The following GRM7 variants were observed in gnomAD, a reference collection of about 807,000 sequenced individuals.
GRM7 encodes the protein metabotropic glutamate receptor 7.
In GRM7, 35 loss-of-function variants were observed where a neutral mutation model predicts 84.5. The ratio of observed to expected loss-of-function variants is 0.41; its 90% CI spans 0.32 to 0.55. The LOEUF is 0.55. Among genes scored for constraint, GRM7 ranks in the 20% least tolerant of loss-of-function variants. GRM7 has a pLI of 0.19. For missense variants in GRM7, 1,003 were observed against 1,194.6 expected, an observed-to-expected ratio of 0.84 and a Z score of 2.36; for synonymous variants, 487 against 455.1, an observed-to-expected ratio of 1.07 and a Z score of -0.89.
chr3:7,535,421 G>A (rs892972463), intron 7 of GRM7: 3 of 152,214 alleles, frequency 2.0e-5, no homozygotes, highest in African/African-American at 7.2e-5. Context: ...TTATAAAGTA[G>A]TCCTAGGAGC....
chr3:7,480,139 A>G (rs1278976614), intron 7 of GRM7, among the ~76,000 whole-genome samples: 2 of 152,212 alleles, frequency 1.3e-5, no homozygotes, highest in African/African-American at 4.8e-5. Flanking sequence ...AGTCCTATCC[A>G]TCACAGAGTC....
At chr3:7,729,058 TTC>T (rs869028774) in intron 9 of GRM7, among the ~76,000 whole-genome samples, 439 of 10,088 alleles carry the variant, frequency 0.044, 5 homozygotes, top group African/African-American at 0.12. Context: ...TTTTTTTTTT[TTC>T]CCCATAGTTT....
chr3:7,516,965 C>T (rs1231258053), intron 7 of GRM7, among the ~76,000 whole-genome samples: 3 of 152,136 alleles, frequency 2.0e-5, no homozygotes, highest in Non-Finnish European at 1.5e-5. Flanking sequence ...CCTGTAGACC[C>T]CACCTGCCCT....
intron 7 of GRM7, among the ~76,000 whole-genome samples, chr3:7,545,532 G>A (rs977625902): frequency 1.3e-5 from 2 of 152,222 alleles, no homozygotes; most frequent in African/African-American, 4.8e-5. Context: ...GCACAATGCA[G>A]TAGTGGCTTA....
chr3:6,976,651 C>T (rs1254228248), intron 1 of GRM7, among the ~76,000 whole-genome samples: 2 of 152,074 alleles, frequency 1.3e-5, no homozygotes, highest in African/African-American at 4.8e-5. Context: ...CCATCATGCT[C>T]ACCACCTATT....
At chr3:7,395,778 C>A (rs529683278) in intron 4 of GRM7, among the ~76,000 whole-genome samples, 1 of 152,278 alleles carries the variant, frequency 6.6e-6, no homozygotes, top group Admixed American at 6.5e-5. Context: ...AACCTCTTTC[C>A]TTTATAAATT....
At chr3:7,572,943 T>C (rs902512166) in intron 7 of GRM7, among the ~76,000 whole-genome samples, 2 of 144,444 alleles carry the variant, frequency 1.4e-5, no homozygotes, top group African/African-American at 5.1e-5. Flanking sequence ...GGTTGACTTT[T>C]ATAAGTTTTG....
chr3:7,218,991 A>T (rs921783592), intron 2 of GRM7, among the ~76,000 whole-genome samples: 1 of 152,130 alleles, frequency 6.6e-6, no homozygotes, highest in Admixed American at 6.6e-5. Flanking sequence ...AATGAAATTA[A>T]TGGTGCTTAT....
intron 8 of GRM7, among the ~76,000 whole-genome samples, chr3:7,621,902 G>T (rs369117428): frequency 3.9e-5 from 6 of 152,254 alleles, no homozygotes; most frequent in African/African-American, 1.2e-4. Context: ...GAATATGATA[G>T]ATTGGATTGA....
At chr3:7,423,632 C>G (rs1281250177) in intron 5 of GRM7, among the ~76,000 whole-genome samples, 1 of 151,736 alleles carries the variant, frequency 6.6e-6, no homozygotes, top group African/African-American at 2.4e-5. Context: ...GTAATAGAGG[C>G]TTTCTGCCCC....
At chr3:7,679,559 A>G (rs1700274773) in intron 8 of GRM7, among the ~76,000 whole-genome samples, 1 of 152,212 alleles carries the variant, frequency 6.6e-6, no homozygotes, top group Admixed American at 6.5e-5. Flanking sequence ...GATAGGGAAA[A>G]GGCGTGCCTT....
At chr3:6,969,578 C>T (rs1003014313) in intron 1 of GRM7, among the ~76,000 whole-genome samples, 23 of 152,290 alleles carry the variant, frequency 1.5e-4, no homozygotes, top group African/African-American at 4.1e-4. Flanking sequence ...ATCTGTGTTT[C>T]GTGACCTAGC....
intron 1 of GRM7, among the ~76,000 whole-genome samples, chr3:6,909,357 C>T (rs917391910): frequency 1.3e-5 from 2 of 152,122 alleles, no homozygotes; most frequent in South Asian, 4.1e-4. Context: ...CTATCCCTCA[C>T]GTGTATAATA....
intron 2 of GRM7, among the ~76,000 whole-genome samples, chr3:7,199,256 A>G (rs372765081): frequency 5.3e-4 from 81 of 152,192 alleles, no homozygotes; most frequent in African/African-American, 1.9e-3. Context: ...CTTGAGATGG[A>G]TGCCAAATGC....
intron 5 of GRM7, among the ~76,000 whole-genome samples, chr3:7,435,133 G>T (rs1487925499): frequency 6.6e-6 from 1 of 151,502 alleles, no homozygotes; most frequent in Non-Finnish European, 1.5e-5. Context: ...TGCATCTGTA[G>T]TGATGAGGTT....
chr3:7,439,309 G>A (rs73810652), intron 5 of GRM7, among the ~76,000 whole-genome samples: 1 of 152,166 alleles, frequency 6.6e-6, no homozygotes. Context: ...AATATTTACT[G>A]TCTGGAATCA....
intron 1 of GRM7, among the ~76,000 whole-genome samples, chr3:7,065,119 T>C (rs1004356908): frequency 6.6e-6 from 1 of 151,992 alleles, no homozygotes; most frequent in African/African-American, 2.4e-5. Context: ...ATTGTGAAGA[T>C]TTTCTCCAAC....
At chr3:7,733,153 C>T (rs1281546775) in intron 9 of GRM7, among the ~76,000 whole-genome samples, 3 of 152,182 alleles carry the variant, frequency 2.0e-5, no homozygotes, top group Non-Finnish European at 4.4e-5. Context: ...AACCTCCTCT[C>T]TCATCCTGTG....
At chr3:7,650,936 G>A (rs1470999351) in intron 8 of GRM7, among the ~76,000 whole-genome samples, 3 of 152,082 alleles carry the variant, frequency 2.0e-5, no homozygotes, top group Non-Finnish European at 1.5e-5. Flanking sequence ...TTATAGTGAG[G>A]GCACTAATGA....
Sources: gnomAD v4.1 joint callset for allele counts (sites outside exome capture counted in the v4.1 genomes callset) on GRCh38, gnomAD v4.1.1 for gene constraint, MANE v1.5 for transcripts, NCBI Gene and HGNC (gene_info 2026-07-23, HGNC 2026-07-21) for gene names.